The following ADCY2 variants were observed in gnomAD, a reference collection of about 807,000 sequenced individuals.
The protein encoded by ADCY2 is adenylate cyclase 2, also known as adenylate cyclase type 2.
Under a neutral mutation model 125.2 loss-of-function variants are expected in ADCY2, and 31 were observed. The ratio of observed to expected loss-of-function variants is 0.25; its 90% CI spans 0.19 to 0.33. The LOEUF (loss-of-function observed/expected upper bound fraction) is 0.33. Among genes scored for constraint, ADCY2 ranks in the 10% least tolerant of loss-of-function variants. The probability of loss-of-function intolerance (pLI) is 1.00; values close to 1 mark genes in which losing one functional copy is unlikely to be tolerated. For synonymous variants in ADCY2, 512 were observed against 548.4 expected, an observed-to-expected ratio of 0.93 and a Z score of 0.93; for missense variants, 904 against 1,418.2, an observed-to-expected ratio of 0.64 and a Z score of 5.82.
Position 7,559,303 on chromosome 5 carries a change from A to G in ADCY2, c.570+38404A>G, listed in dbSNP as rs183944320. On this transcript the variant is annotated intron_variant, in intron 3 of 24. Transcript: ENST00000338316. ...TTAATGATATTGATTCTTCCTATCC[A>G]GAAGCATGGAATGTTTTTCCATTTG... Among the ~76,000 whole-genome samples the G allele has an allele frequency of 3.7e-3, 568 of 152,316 alleles. 3 individuals are homozygous for G. The highest frequency in any genetic ancestry group is 0.013 in the African/African-American group (542 of 41,562).
chr5:7,489,181 A>G, intron 2 of ADCY2, among the ~76,000 whole-genome samples: 1 of 152,092 alleles, frequency 6.6e-6, no homozygotes, highest in South Asian at 2.1e-4. Flanking sequence ...AGACTTTCCA[A>G]AATTACGCAT....
At chr5:7,615,996 T>C (rs1413720522) in intron 3 of ADCY2, among the ~76,000 whole-genome samples, 1 of 152,172 alleles carries the variant, frequency 6.6e-6, no homozygotes, top group Non-Finnish European at 1.5e-5. Context: ...TATTTTCATA[T>C]ATGGTGGTGC....
chr5:7,741,722 CTAT>C (rs796462813), intron 14 of ADCY2, among the ~76,000 whole-genome samples: 1 of 12,066 alleles, frequency 8.3e-5, no homozygotes, highest in Non-Finnish European at 1.9e-4. Context: ...ATCACCATCA[CTAT>C]CATCATCACC....
intron 3 of ADCY2, among the ~76,000 whole-genome samples, chr5:7,623,894 A>G (rs1437669008): frequency 6.6e-6 from 1 of 152,182 alleles, no homozygotes; most frequent in African/African-American, 2.4e-5. Context: ...CAGACCACAC[A>G]CACAGAGCAA....
intron 2 of ADCY2, among the ~76,000 whole-genome samples, chr5:7,431,237 C>T (rs751509924): frequency 5.3e-5 from 8 of 152,144 alleles, no homozygotes; most frequent in African/African-American, 9.7e-5. Context: ...GGAAATAAGT[C>T]CCATGCCTAT....
At chr5:7,439,125 G>C (rs879527184) in intron 2 of ADCY2, among the ~76,000 whole-genome samples, 3 of 152,182 alleles carry the variant, frequency 2.0e-5, no homozygotes, top group Non-Finnish European at 4.4e-5. Context: ...ACTTTCTTAC[G>C]TATGATCTTT....
At chr5:7,728,464 A>G (rs1456649097) in intron 14 of ADCY2, among the ~76,000 whole-genome samples, 1 of 152,232 alleles carries the variant, frequency 6.6e-6, no homozygotes, top group African/African-American at 2.4e-5. Flanking sequence ...GGTGTAATAC[A>G]TAGACCAAAG....
In ADCY2 at chr5:7,482,115, A is replaced by G. The variant is rs145383052; in HGVS notation, c.409-38623A>G. ...AATGGTATAAGATTTAAATTTTCAA[A>G]AAGTATTGATCTGGGGTTAGATGGC... On this transcript the variant is annotated intron_variant, in intron 2 of 24. Coordinates refer to ENST00000338316, the MANE Select transcript of ADCY2 (RefSeq NM_020546.3). Among the ~76,000 whole-genome samples, 74 of 152,252 alleles carry G rather than the reference A, an allele frequency of 4.9e-4. 2 individuals carry two copies. The Middle Eastern group carries it at 0.014, about 28-fold the overall frequency.
At chr5:7,513,548 T>C (rs901357936) in intron 2 of ADCY2, among the ~76,000 whole-genome samples, 15 of 152,250 alleles carry the variant, frequency 9.9e-5, no homozygotes, top group African/African-American at 3.4e-4. Flanking sequence ...AAGTCATCAA[T>C]TCTTTGAGAT....
At chr5:7,620,360 A>C (rs988754139) in intron 3 of ADCY2, among the ~76,000 whole-genome samples, 1 of 152,178 alleles carries the variant, frequency 6.6e-6, no homozygotes, top group East Asian at 1.9e-4. Context: ...AATAACATCC[A>C]TTGTTGAGAT....
chr5:7,820,127 C>G (rs964157451), intron 23 of ADCY2, among the ~76,000 whole-genome samples: 3 of 152,150 alleles, frequency 2.0e-5, no homozygotes, highest in Non-Finnish European at 4.4e-5. Flanking sequence ...TATTTCTTAC[C>G]TCTTCTGTAC....
At chr5:7,599,944 G>A (rs1035281582) in intron 3 of ADCY2, among the ~76,000 whole-genome samples, 1 of 152,142 alleles carries the variant, frequency 6.6e-6, no homozygotes, top group African/African-American at 2.4e-5. Context: ...AAGGAATCCC[G>A]GTGGGCAGTG....
chr5:7,626,523 G>A (rs1053410657), intron 4 of ADCY2, among the ~76,000 whole-genome samples: 1 of 152,118 alleles, frequency 6.6e-6, no homozygotes, highest in Non-Finnish European at 1.5e-5. Flanking sequence ...CAAGAAAAGA[G>A]GTTTATTAGT....
At chr5:7,402,905 G>A (rs1016941089) in intron 1 of ADCY2, among the ~76,000 whole-genome samples, 1 of 152,148 alleles carries the variant, frequency 6.6e-6, no homozygotes, top group Admixed American at 6.5e-5. Context: ...TCACCCCATA[G>A]AAAGTTCCTG....
intron 4 of ADCY2, among the ~76,000 whole-genome samples, chr5:7,672,621 T>G (rs993167225): frequency 6.6e-6 from 1 of 152,220 alleles, no homozygotes; most frequent in South Asian, 2.1e-4. Flanking sequence ...TGCCTCAGCC[T>G]CCCGAGTAGC....
chr5:7,673,116 A>T (rs141128268), intron 4 of ADCY2, among the ~76,000 whole-genome samples: 1 of 150,530 alleles, frequency 6.6e-6, no homozygotes, highest in Non-Finnish European at 1.5e-5. Flanking sequence ...TATAAACTTA[A>T]CAATGGTTGG....
chr5:7,783,146 G>C (rs11748102), intron 18 of ADCY2, among the ~76,000 whole-genome samples: 1 of 152,014 alleles, frequency 6.6e-6, no homozygotes, highest in Admixed American at 6.5e-5. Context: ...CTTTGCACTT[G>C]AGTCTTTCTT....
rs1744701800 is a variant in ADCY2 at position 7,804,631 on chromosome 5, T to C, written c.2822T>C (p.Ile941Thr). The C allele has an allele frequency of 6.2e-7, 1 of 1,614,186 alleles. No homozygotes were observed. Among genetic ancestry groups the C allele is most frequent in the Non-Finnish European group, 8.5e-7 (1 of 1,180,034 alleles). ...AGTGGAGTTGAAAAGATTAAGACCA[T>C]TGGCAGCACATACATGGCAGCAACA... is the stretch of plus-strand genomic sequence containing the variant. The part of the protein sequence containing the change: ...KFSGVEKIKT[I>T]GSTYMAATGL... Residue 941 changes from isoleucine (I) to threonine (T), a missense_variant, in exon 22 of 25, where the codon ATT (isoleucine) becomes ACT (threonine). Physicochemically the swap from Ile to Thr is moderately conservative, Grantham distance 89. Around this residue, in one of 7 missense-constraint regions of ADCY2, gnomAD observed 181 missense variants for 381.6 expected, o/e 0.47. Transcript: ENST00000338316.
intron 21 of ADCY2, among the ~76,000 whole-genome samples, chr5:7,803,284 A>G (rs1035528073): frequency 3.9e-5 from 6 of 152,196 alleles, no homozygotes; most frequent in Non-Finnish European, 7.3e-5. Context: ...GTGACAGTGG[A>G]TATGTGGATA....
Sources: gnomAD v4.1 joint callset for allele counts (sites outside exome capture counted in the v4.1 genomes callset) on GRCh38, gnomAD v4.1.1 for gene constraint, gnomAD v4.1.1 regional missense constraint, MANE v1.5 for transcripts, NCBI Gene and HGNC (gene_info 2026-07-23, HGNC 2026-07-21) for gene names.